KCNQ1: variants seen among roughly 807,000 people sequenced by gnomAD.
The protein encoded by KCNQ1 is potassium voltage-gated channel subfamily Q member 1.
In KCNQ1, 49 loss-of-function variants were observed where a neutral mutation model predicts 72.4. That is an observed-to-expected ratio of 0.68 (90% CI 0.54 to 0.86). The LOEUF is 0.86. Ranked by LOEUF, KCNQ1 falls within the 40% of genes least tolerant of loss-of-function variation. The pLI, the probability that KCNQ1 is intolerant of heterozygous loss-of-function variation, is 0.00. For missense variants in KCNQ1, 790 were observed against 945.1 expected (o/e 0.84, Z 2.15); for synonymous variants, 450 against 412.6 (o/e 1.09, Z -1.10).
rs1002655705 is a variant in KCNQ1, at chr11:2,683,383, G to T, written c.1514+21302G>T. On this transcript the variant is annotated intron_variant, in intron 11 of 15. Transcript: ENST00000155840. The surrounding 1 kb of genome is among the most constrained non-coding windows in gnomAD (Gnocchi z 4.7). ...TGCTGTCTGCAAATGCAGGTTCCTGGGGCTCTGGGTGGTTTGTCCAATGGC... is the reference window on the plus strand; with the variant it reads ...TGCTGTCTGCAAATGCAGGTTCCTGTGGCTCTGGGTGGTTTGTCCAATGGC... 5 of 398,512 alleles carry T rather than the reference G, an allele frequency of 1.3e-5. No homozygotes were observed. The highest frequency in any genetic ancestry group is 1.0e-4 in the African/African-American group (5 of 48,630). 24.7% of individuals were successfully genotyped at this position (398,512 alleles called of 1,614,324 possible). A position where few individuals can be genotyped will look rare whatever the true frequency, so the allele number is the denominator to read the frequency against.
Position 2,494,314 on chromosome 11 carries a change from C to T in KCNQ1, c.387-33614C>T, listed in dbSNP as rs1316557518. Among the ~76,000 whole-genome samples the T allele has an allele frequency of 2.0e-5, 3 of 152,148 alleles. No individual in the cohort carries two copies. The highest frequency in any genetic ancestry group is 4.4e-5 in the Non-Finnish European group (3 of 68,024). On this transcript the variant is annotated intron_variant, in intron 1 of 15. Transcript: ENST00000155840. This position sits in a 1 kb window ranked among gnomAD's most constrained non-coding sequence, Gnocchi z 4.6. ...GCAAACAGAGAAAATTTGACTTCCT[C>T]TTTTCCTATTTGAATACTCTTTATT...
intron 15 of KCNQ1, among the ~76,000 whole-genome samples, chr11:2,839,116 G>C (rs1848149455): frequency 6.6e-6 from 1 of 152,214 alleles, no homozygotes; most frequent in East Asian, 1.9e-4. Flanking sequence ...GCCGGGCTAG[G>C]GATAGGCCAG....
chr11:2,621,937 C>G lies in KCNQ1; in HGVS notation c.1393+33083C>G. On this transcript the variant is annotated intron_variant, in intron 10 of 15. Coordinates refer to ENST00000155840, the MANE Select transcript of KCNQ1 (RefSeq NM_000218.3). This position sits in a 1 kb window ranked among gnomAD's most constrained non-coding sequence, Gnocchi z 5.7. ...TTGGCTTTAGTTTGTTCTTCTTTTT[C>G]TAATTCCTTGAGGTACAATTTTGGG... 1 of 398,066 alleles carries G rather than the reference C, an allele frequency of 2.5e-6. No homozygotes were observed. Among genetic ancestry groups the G allele is most frequent in the South Asian group, 1.3e-4 (1 of 7,842 alleles). The allele number at this position is 398,066 out of a possible 1,614,324, so 24.7% of individuals were successfully genotyped here.
Position 2,824,835 on chromosome 11 carries a change from C to T in KCNQ1, c.1795-22932C>T, listed in dbSNP as rs1364117106. On this transcript the variant is annotated intron_variant, in intron 15 of 15. Coordinates refer to ENST00000155840, the MANE Select transcript of KCNQ1 (RefSeq NM_000218.3). The surrounding 1 kb of genome is among the most constrained non-coding windows in gnomAD (Gnocchi z 5.9). Reference sequence around the variant, plus strand: ...TACTTGGCCTGTCTCAGTGCCGTGCCGCATCCATCCTGCCCCTGGCACCGG... The same window carrying T: ...TACTTGGCCTGTCTCAGTGCCGTGCTGCATCCATCCTGCCCCTGGCACCGG... Among the ~76,000 whole-genome samples, 3 of 152,198 alleles carry T rather than the reference C, an allele frequency of 2.0e-5. No individual in the cohort carries two copies. The highest frequency in any genetic ancestry group is 3.8e-4 in the East Asian group (2 of 5,198).
At chr11:2,521,021 T>C (rs1206711823) in intron 1 of KCNQ1, among the ~76,000 whole-genome samples, 2 of 74,648 alleles carry the variant, frequency 2.7e-5, no homozygotes, top group Non-Finnish European at 5.6e-5. Context: ...ATGCTTGCTC[T>C]ATGAATGTTG....
Position 2,746,706 on chromosome 11 carries a change from G to A in KCNQ1, c.1515-22138G>A, listed in dbSNP as rs1191165971. Among the ~76,000 whole-genome samples the A allele has an allele frequency of 1.3e-5, 2 of 152,226 alleles. No individual in the cohort carries two copies. Among genetic ancestry groups the A allele is most frequent in the East Asian group, 1.9e-4 (1 of 5,202 alleles). ...CCTGTCGGTGTGGCTCGTCATGGGC[G>A]ATGCTGTCTCTGTCTCCTGGCTCTG... is the stretch of plus-strand genomic sequence containing the variant. On this transcript the variant is annotated intron_variant, in intron 11 of 15. Coordinates refer to ENST00000155840, the MANE Select transcript of KCNQ1 (RefSeq NM_000218.3). The surrounding 1 kb of genome is among the most constrained non-coding windows in gnomAD (Gnocchi z 5.9).
chr11:2,680,092 A>G (rs1850365603), intron 11 of KCNQ1: 2 of 395,014 alleles, frequency 5.1e-6, no homozygotes, highest in Non-Finnish European at 4.4e-6. Flanking sequence ...GGGTTTCACC[A>G]TGTTGGCCAG....
At chr11:2,633,820 T>C (rs899305699) in intron 10 of KCNQ1, 2 of 398,648 alleles carry the variant, frequency 5.0e-6, no homozygotes, top group African/African-American at 2.1e-5. Context: ...CCAAAAGCCA[T>C]GTATATTCAA....
chr11:2,741,888 G>A (rs893249469), intron 11 of KCNQ1, among the ~76,000 whole-genome samples: 6 of 152,214 alleles, frequency 3.9e-5, no homozygotes, highest in Admixed American at 2.0e-4. Context: ...TGCCACCCCA[G>A]GCAGGGCCAG....
At position 2,746,142 on chromosome 11, in the gene KCNQ1, G is replaced by A. The variant is rs1378836232; in HGVS notation, c.1515-22702G>A. Among the ~76,000 whole-genome samples the A allele has an allele frequency of 6.6e-6, 1 of 152,108 alleles. No homozygotes were observed. The highest frequency in any genetic ancestry group is 1.5e-5 in the Non-Finnish European group (1 of 68,018). ...TGGCCTCAAGTGATCCATCCGCCTC[G>A]GCCTCCCAAAGTGCTGGGATTATAG... On this transcript the variant is annotated intron_variant, in intron 11 of 15. Transcript: ENST00000155840. The surrounding 1 kb of genome is among the most constrained non-coding windows in gnomAD (Gnocchi z 5.9).
At chr11:2,756,058 G>T (rs765290596) in intron 11 of KCNQ1, among the ~76,000 whole-genome samples, 42 of 152,166 alleles carry the variant, frequency 2.8e-4, no homozygotes, top group Non-Finnish European at 5.1e-4. Flanking sequence ...AGGGCCCAGG[G>T]TCTCTCCTAC....
rs955100234 is a variant in KCNQ1, at chr11:2,566,883, C to G, written c.478-3745C>G. On this transcript the variant is annotated intron_variant, in intron 2 of 15. Transcript: ENST00000155840. This position sits in a 1 kb window ranked among gnomAD's most constrained non-coding sequence, Gnocchi z 6.7. ...TTATCAGTGGGGGAGTCAGGAAGTA[C>G]CCCGGTTCTGTACCTGTAGTGGATG... Among the ~76,000 whole-genome samples the G allele has an allele frequency of 6.6e-6, 1 of 151,682 alleles. No individual in the cohort carries two copies. The highest frequency in any genetic ancestry group is 1.5e-5 in the Non-Finnish European group (1 of 67,898).
At position 2,600,812 on chromosome 11, in the gene KCNQ1, T is replaced by G. The variant is rs1290155139; in HGVS notation, c.1393+11958T>G. 1.3e-5 allele frequency among the ~76,000 whole-genome samples: 2 copies of G among 152,184 alleles called. No homozygotes were observed. The highest frequency in any genetic ancestry group is 2.9e-5 in the Non-Finnish European group (2 of 68,036). ...TCTTTCTCTGTTATGACACTGATAT[T>G]TTTTAAAGATACAGTCCTGCCACTT... On this transcript the variant is annotated intron_variant, in intron 10 of 15. Coordinates refer to ENST00000155840, the MANE Select transcript of KCNQ1 (RefSeq NM_000218.3). The surrounding 1 kb of genome is among the most constrained non-coding windows in gnomAD (Gnocchi z 5.6).
intron 15 of KCNQ1, among the ~76,000 whole-genome samples, chr11:2,793,701 G>A (rs1847078112): frequency 6.6e-6 from 1 of 152,144 alleles, no homozygotes; most frequent in South Asian, 2.1e-4. Flanking sequence ...GTCACAAGGA[G>A]CAGAAAGGAA....
rs1845938879 is a variant in KCNQ1, at chr11:2,735,343, C to T, written c.1515-33501C>T. On this transcript the variant is annotated intron_variant, in intron 11 of 15. Transcript: ENST00000155840. This position sits in a 1 kb window ranked among gnomAD's most constrained non-coding sequence, Gnocchi z 7.7. ...CAGGCTAATGGCAATTGAGGCCCTG[C>T]CCGGTGGAGGGTGGGCCATGGCCGC... 6.6e-6 allele frequency among the ~76,000 whole-genome samples: 1 copy of T among 152,048 alleles called. No individual in the cohort carries two copies. The highest frequency in any genetic ancestry group is 2.1e-4 in the South Asian group (1 of 4,832).
chr11:2,589,967 G>A (rs796384190), intron 10 of KCNQ1, among the ~76,000 whole-genome samples: 9 of 152,296 alleles, frequency 5.9e-5, no homozygotes, highest in African/African-American at 1.7e-4. Context: ...CGGATGCCAC[G>A]GATGCCCTTG....
At chr11:2,743,547 A>C (rs925710842) in intron 11 of KCNQ1, among the ~76,000 whole-genome samples, 69 of 152,284 alleles carry the variant, frequency 4.5e-4, no homozygotes, top group African/African-American at 1.7e-3. Context: ...GAACTTGAGC[A>C]GGGAAGGGAA....
rs1845874288 is a variant in KCNQ1 at position 2,732,604 on chromosome 11, C to T, written c.1515-36240C>T. 2.0e-5 allele frequency among the ~76,000 whole-genome samples: 3 copies of T among 152,300 alleles called. No homozygotes were observed. In the South Asian group the frequency reaches 6.2e-4, roughly 32 times the overall value. ...GAAGGGGCCCGAGGCACCGGTGCTT[C>T]CGACGGGGCCCGAGGGCCGTCTGAC... is the stretch of plus-strand genomic sequence containing the variant. On this transcript the variant is annotated intron_variant, in intron 11 of 15. Coordinates refer to ENST00000155840, the MANE Select transcript of KCNQ1 (RefSeq NM_000218.3).
rs1307109880 is a variant in KCNQ1 at position 2,815,888 on chromosome 11, C to T, written c.1795-31879C>T. Among the ~76,000 whole-genome samples, 1 of 152,198 alleles carries T rather than the reference C, an allele frequency of 6.6e-6. No homozygotes were observed. Among genetic ancestry groups the T allele is most frequent in the East Asian group, 1.9e-4 (1 of 5,182 alleles). Reference sequence around the variant, plus strand: ...TCTCCAGGCTGTATCTAACAGCTGCCTGTGCCGAAAAATTAAGCACCGCTG... The same window carrying T: ...TCTCCAGGCTGTATCTAACAGCTGCTTGTGCCGAAAAATTAAGCACCGCTG... On this transcript the variant is annotated intron_variant, in intron 15 of 15. Transcript: ENST00000155840. The surrounding 1 kb of genome is among the most constrained non-coding windows in gnomAD (Gnocchi z 5.4).
Sources: allele counts gnomAD v4.1 joint callset (sites outside exome capture counted in the v4.1 genomes callset), GRCh38; gene constraint gnomAD v4.1.1; non-coding constraint Gnocchi (gnomAD v3.1); transcripts MANE v1.5; gene names NCBI Gene and HGNC (gene_info 2026-07-23, HGNC 2026-07-21).